Variants in MSI2 observed in about 807,000 individuals in gnomAD.
The protein encoded by MSI2 is RNA-binding protein Musashi homolog 2.
A neutral mutation model predicts 45.6 loss-of-function variants in MSI2; 17 were observed. That is an observed-to-expected ratio of 0.37 (90% CI 0.26 to 0.56). The LOEUF (loss-of-function observed/expected upper bound fraction) is 0.56, where lower values mean the gene tolerates loss of function less well. Ranked by LOEUF, MSI2 falls within the 20% of genes least tolerant of loss-of-function variation. MSI2 has a pLI of 0.77. For synonymous variants in MSI2, 156 were observed against 158.2 expected, an observed-to-expected ratio of 0.99 and a Z score of 0.11; for missense variants, 293 against 444.2, an observed-to-expected ratio of 0.66 and a Z score of 3.06.
At chr17:57,617,844 A>G (rs1167966525) in intron 9 of MSI2, among the ~76,000 whole-genome samples, 1 of 151,954 alleles carries the variant, frequency 6.6e-6, no homozygotes, top group East Asian at 1.9e-4. Flanking sequence ...GCCGAGGCAG[A>G]TGGATCACCT....
intron 5 of MSI2, among the ~76,000 whole-genome samples, chr17:57,332,154 G>A (rs1334310274): frequency 1.3e-5 from 2 of 149,066 alleles, no homozygotes; most frequent in Non-Finnish European, 3.0e-5. Context: ...AGGCTGGAGT[G>A]CAGTGGCATG....
intron 7 of MSI2, among the ~76,000 whole-genome samples, chr17:57,569,936 G>C (rs2087833591): frequency 6.6e-6 from 1 of 152,204 alleles, no homozygotes; most frequent in Non-Finnish European, 1.5e-5. Flanking sequence ...GCCATCAGTG[G>C]GAAAGGGTGT....
At chr17:57,602,803 A>G (rs1355120568) in intron 8 of MSI2, among the ~76,000 whole-genome samples, 3 of 152,194 alleles carry the variant, frequency 2.0e-5, no homozygotes, top group African/African-American at 4.8e-5. Context: ...AGTGTGGTCC[A>G]TGTACCAGCA....
intron 6 of MSI2, among the ~76,000 whole-genome samples, chr17:57,476,741 C>T (rs1232147916): frequency 2.0e-5 from 3 of 152,160 alleles, no homozygotes; most frequent in Admixed American, 2.0e-4. Flanking sequence ...ACCCTTAAAA[C>T]AGCTCTTAGA....
At chr17:57,281,837 G>A (rs1005503662) in intron 5 of MSI2, among the ~76,000 whole-genome samples, 8 of 152,152 alleles carry the variant, frequency 5.3e-5, no homozygotes, top group African/African-American at 9.7e-5. Flanking sequence ...GTCCTGCTCC[G>A]TGGGATAACT....
At chr17:57,620,610 C>T (rs1908196888) in intron 9 of MSI2, among the ~76,000 whole-genome samples, 1 of 152,180 alleles carries the variant, frequency 6.6e-6, no homozygotes, top group South Asian at 2.1e-4. Context: ...CGAATGTGAC[C>T]TGTGCTGTGG....
At chr17:57,291,120 G>A (rs1282662686) in intron 5 of MSI2, among the ~76,000 whole-genome samples, 2 of 152,210 alleles carry the variant, frequency 1.3e-5, no homozygotes, top group Admixed American at 6.5e-5. Flanking sequence ...TTCTGCCGGC[G>A]AGAGCTGTGG....
intron 5 of MSI2, among the ~76,000 whole-genome samples, chr17:57,344,592 G>A (rs1372379368): frequency 6.6e-6 from 1 of 152,184 alleles, no homozygotes; most frequent in Non-Finnish European, 1.5e-5. Context: ...AATGTTACTG[G>A]AGTGTCTTCG....
intron 5 of MSI2, among the ~76,000 whole-genome samples, chr17:57,286,200 G>GT (rs1315210766): frequency 1.4e-5 from 2 of 146,956 alleles, no homozygotes; most frequent in African/African-American, 2.5e-5. Flanking sequence ...AGTTTCACTT[G>GT]TTTTTTTGAC....
chr17:57,340,950 G>T (rs951925716), intron 5 of MSI2, among the ~76,000 whole-genome samples: 1 of 152,166 alleles, frequency 6.6e-6, no homozygotes, highest in East Asian at 1.9e-4. Flanking sequence ...AGGAATACAG[G>T]TTCACCTCCG....
At chr17:57,676,930 T>C in intron 12 of MSI2, 57 bp from the exon 13 acceptor site, 6 of 1,107,364 alleles carry the variant, frequency 5.4e-6, no homozygotes, top group South Asian at 1.2e-5. Context: ...TCCCAGAATA[T>C]GACAATCTGT....
chr17:57,577,093 A>G (rs1221113083), intron 7 of MSI2, among the ~76,000 whole-genome samples: 1 of 152,220 alleles, frequency 6.6e-6, no homozygotes, highest in Non-Finnish European at 1.5e-5. Flanking sequence ...CAGAGGAACC[A>G]AGGAGACTCG....
intron 5 of MSI2, among the ~76,000 whole-genome samples, chr17:57,393,237 G>A (rs1350675153): frequency 6.6e-6 from 1 of 152,142 alleles, no homozygotes; most frequent in Non-Finnish European, 1.5e-5. Flanking sequence ...ATGCTCGTTG[G>A]AGCATTTCAG....
rs1467125798 is a variant in MSI2, at chr17:57,369,995, TA to T, written c.313-31382del. ...AAAGGGCACAGGGATAAAGGATTGT[TA>T]ACCAGACTGGCAAATCAGTAGACTA... On this transcript the variant is annotated intron_variant, in intron 5 of 13. Transcript: ENST00000284073. Among the ~76,000 whole-genome samples the T allele has an allele frequency of 3.9e-5, 6 of 152,360 alleles. No individual in the cohort carries two copies. In the East Asian group the frequency reaches 1.2e-3, roughly 29 times the overall value.
At chr17:57,396,808 C>T (rs912593723) in intron 5 of MSI2, among the ~76,000 whole-genome samples, 3 of 152,186 alleles carry the variant, frequency 2.0e-5, no homozygotes, top group Admixed American at 6.5e-5. Flanking sequence ...AGCGCACACA[C>T]GCACACATGC....
chr17:57,474,699 G>C (rs965888016), intron 6 of MSI2, among the ~76,000 whole-genome samples: 4 of 115,104 alleles, frequency 3.5e-5, no homozygotes, highest in African/African-American at 1.3e-4. Flanking sequence ...CTGTTTTTTT[G>C]TTGTTTTTTT....
chr17:57,357,469 C>T (rs916589174), intron 5 of MSI2, among the ~76,000 whole-genome samples: 13 of 152,200 alleles, frequency 8.5e-5, no homozygotes, highest in African/African-American at 1.2e-4. Context: ...AGACACCTCC[C>T]CTCCCTCCTG....
chr17:57,324,596 G>C (rs1174031691), intron 5 of MSI2, among the ~76,000 whole-genome samples: 3 of 152,138 alleles, frequency 2.0e-5, no homozygotes, highest in Non-Finnish European at 4.4e-5. Context: ...TGCCTGGCTC[G>C]GAAGGTGTTT....
At chr17:57,330,287 T>C (rs1228572001) in intron 5 of MSI2, among the ~76,000 whole-genome samples, 1 of 151,984 alleles carries the variant, frequency 6.6e-6, no homozygotes, top group East Asian at 1.9e-4. Context: ...TTTCTTTTTT[T>C]TCTTTTTTTT....
Sources: gnomAD v4.1 joint callset for allele counts (sites outside exome capture counted in the v4.1 genomes callset) on GRCh38, gnomAD v4.1.1 for gene constraint, MANE v1.5 for transcripts, NCBI Gene and HGNC (gene_info 2026-07-23, HGNC 2026-07-21) for gene names.